GLIS3: variants seen among roughly 807,000 people sequenced by gnomAD.
The protein encoded by GLIS3 is GLIS family zinc finger 3.
A neutral mutation model predicts 78.6 loss-of-function variants in GLIS3; 53 were observed. That is an observed-to-expected ratio of 0.67 (90% confidence interval 0.54 to 0.85). The LOEUF is 0.85. GLIS3 is among the 40% of genes least tolerant of loss of function. GLIS3 has a pLI of 0.00. For missense variants in GLIS3, 1,703 were observed against 1,231.1 expected (o/e 1.38, Z -5.74); for synonymous variants, 684 against 509.9 (o/e 1.34, Z -4.60).
intron 2 of GLIS3, among the ~76,000 whole-genome samples, chr9:4,270,158 T>C (rs1321366044): frequency 3.3e-5 from 5 of 152,124 alleles, no homozygotes; most frequent in Admixed American, 1.3e-4. Context: ...ACAGAGAAAA[T>C]CTTGCAAACT....
chr9:3,897,446 T>C (rs1472665629), intron 7 of GLIS3, among the ~76,000 whole-genome samples: 2 of 150,528 alleles, frequency 1.3e-5, no homozygotes, highest in Non-Finnish European at 3.0e-5. Context: ...TATATATATA[T>C]ATATTTAATA....
At chr9:4,182,193 T>C (rs1337723393) in intron 2 of GLIS3, among the ~76,000 whole-genome samples, 3 of 152,170 alleles carry the variant, frequency 2.0e-5, no homozygotes, top group East Asian at 3.9e-4. Flanking sequence ...AGTTTTCAAA[T>C]TGGTGCCATC....
At chr9:3,836,139 C>T (rs1818336404) in intron 9 of GLIS3, among the ~76,000 whole-genome samples, 1 of 152,232 alleles carries the variant, frequency 6.6e-6, no homozygotes, top group East Asian at 1.9e-4. Context: ...GGCCACCCCA[C>T]AGCTCTGCTG....
chr9:4,224,347 T>C (rs924325142), intron 2 of GLIS3, among the ~76,000 whole-genome samples: 1 of 152,218 alleles, frequency 6.6e-6, no homozygotes, highest in East Asian at 1.9e-4. Context: ...ATTTCAATGA[T>C]TTGTCATCTG....
At chr9:4,232,879 C>G (rs1822395608) in intron 2 of GLIS3, among the ~76,000 whole-genome samples, 1 of 152,084 alleles carries the variant, frequency 6.6e-6, no homozygotes, top group Non-Finnish European at 1.5e-5. Flanking sequence ...GAACTTTGAC[C>G]ATCCCAAAGA....
chr9:4,028,823 G>C (rs930033153), intron 4 of GLIS3, among the ~76,000 whole-genome samples: 8 of 152,174 alleles, frequency 5.3e-5, no homozygotes, highest in African/African-American at 1.9e-4. Flanking sequence ...GCCATAAAAA[G>C]AAATACATAC....
the GLIS3 span, among the ~76,000 whole-genome samples, chr9:4,428,032 A>G: frequency 6.6e-6 from 1 of 152,138 alleles, no homozygotes; most frequent in Admixed American, 6.5e-5. Context: ...TCAATCAGAA[A>G]AAAAGAAATT....
Position 4,333,770 on chromosome 9 carries a change from A to T in GLIS3, n.264+13311T>A, listed in dbSNP as rs943540735. 1.3e-3 allele frequency among the ~76,000 whole-genome samples: 146 copies of T among 109,756 alleles called. 1 individual carries two copies. Among genetic ancestry groups the T allele is most frequent in the African/African-American group, 5.1e-3 (143 of 28,032 alleles). 72.0% of individuals were successfully genotyped at this position (109,756 alleles called of 152,430 possible). On this transcript the variant is annotated intron_variant and non_coding_transcript_variant, in intron 2 of 4. Coordinates refer to the GLIS3 transcript ENST00000471664. ...ACCCCCCGCAACTTCATCTGTTTTG[A>T]TTCCCCTCACTTCCAGCTGTTACAC...
At chr9:3,880,970 A>G (rs1008074904) in intron 7 of GLIS3, among the ~76,000 whole-genome samples, 15 of 152,294 alleles carry the variant, frequency 9.8e-5, no homozygotes, top group Admixed American at 4.6e-4. Context: ...AATGCTTACC[A>G]GTTCAGAAAG....
At chr9:4,303,342 T>G (rs1057134093), upstream of GLIS3, among the ~76,000 whole-genome samples, 7 of 152,132 alleles carry the variant, frequency 4.6e-5, no homozygotes, top group African/African-American at 1.7e-4. Context: ...AGTTAGTGTT[T>G]GCCAACTTTA....
At chr9:4,353,290 G>C (rs996053439), upstream of GLIS3, among the ~76,000 whole-genome samples, 1 of 152,130 alleles carries the variant, frequency 6.6e-6, no homozygotes, top group African/African-American at 2.4e-5. Context: ...ACTCCTCAAA[G>C]ACTCCACTGT....
chr9:4,045,085 G>C (rs1357114165), intron 4 of GLIS3, among the ~76,000 whole-genome samples: 1 of 152,208 alleles, frequency 6.6e-6, no homozygotes. Flanking sequence ...GCCAACAGCA[G>C]TGGCCAGACA....
At chr9:4,347,502 C>G (rs926835218) in intron 1 of GLIS3, among the ~76,000 whole-genome samples, 1 of 152,166 alleles carries the variant, frequency 6.6e-6, no homozygotes. Context: ...TTCCTACACC[C>G]ACTCCAGATC....
At chr9:3,989,945 A>G (rs1281940436) in intron 4 of GLIS3, among the ~76,000 whole-genome samples, 1 of 152,224 alleles carries the variant, frequency 6.6e-6, no homozygotes, top group Non-Finnish European at 1.5e-5. Context: ...ATTCGGGTTG[A>G]TATCATACTG....
rs149690057 is a variant in GLIS3 at position 4,035,286 on chromosome 9, G to C, written c.1710+82482C>G. 2.3e-3 allele frequency among the ~76,000 whole-genome samples: 345 copies of C among 152,166 alleles called. 2 individuals are homozygous for C. Among genetic ancestry groups the C allele is most frequent in the Non-Finnish European group, 7.4e-4 (50 of 68,002 alleles). On this transcript the variant is annotated intron_variant, in intron 4 of 10. Coordinates refer to ENST00000381971, the MANE Select transcript of GLIS3 (RefSeq NM_001042413.2). ...TGTTAGAAGATCCTACAGATAGTGA[G>C]CCATGATTCAAAACCAGGTCTAGTT... is the stretch of plus-strand genomic sequence containing the variant.
the GLIS3 span, among the ~76,000 whole-genome samples, chr9:4,418,560 G>C: frequency 6.6e-6 from 1 of 152,132 alleles, no homozygotes; most frequent in Admixed American, 6.5e-5. Context: ...TCAGCTGGGC[G>C]TAGTGGCAGG....
the GLIS3 span, among the ~76,000 whole-genome samples, chr9:4,417,607 T>G: frequency 6.6e-6 from 1 of 152,192 alleles, no homozygotes; most frequent in Non-Finnish European, 1.5e-5. Flanking sequence ...TTTGGGGCCC[T>G]TGTGTAAATA....
At chr9:4,359,486 C>A in the GLIS3 span, among the ~76,000 whole-genome samples, 1 of 152,192 alleles carries the variant, frequency 6.6e-6, no homozygotes, top group Non-Finnish European at 1.5e-5. Flanking sequence ...TGGTGAGCTA[C>A]TGCCCACCTC....
chr9:3,983,677 G>T (rs1163564155), intron 4 of GLIS3, among the ~76,000 whole-genome samples: 1 of 152,184 alleles, frequency 6.6e-6, no homozygotes, highest in Non-Finnish European at 1.5e-5. Flanking sequence ...TTAGCAAAGA[G>T]AGTAGTGGCA....
Sources: gnomAD v4.1 joint callset for allele counts (sites outside exome capture counted in the v4.1 genomes callset) on GRCh38, gnomAD v4.1.1 for gene constraint, MANE v1.5 for transcripts, NCBI Gene and HGNC (gene_info 2026-07-23, HGNC 2026-07-21) for gene names.